The following TRDN variants were observed in gnomAD, a reference collection of about 807,000 sequenced individuals.
TRDN encodes triadin.
In TRDN, 161 loss-of-function variants were observed where a neutral mutation model predicts 149.7. That is an observed-to-expected ratio of 1.08 (90% CI 0.95 to 1.23). The LOEUF (loss-of-function observed/expected upper bound fraction) is 1.23, where lower values mean the gene tolerates loss of function less well. TRDN is among the 50% of genes most tolerant of loss of function. The probability of loss-of-function intolerance (pLI) is 0.00; values close to 1 mark genes in which losing one functional copy is unlikely to be tolerated. For missense variants in TRDN, 896 were observed against 823.5 expected (o/e 1.09, Z -1.08); for synonymous variants, 294 against 250.5 (o/e 1.17, Z -1.64).
In TRDN at chr6:123,459,648, G is replaced by T. The variant is rs373488280; in HGVS notation, c.931+5258C>A. Among the ~76,000 whole-genome samples, 45 of 152,230 alleles carry T rather than the reference G, an allele frequency of 3.0e-4. 1 individual carries two copies. The East Asian group carries it at 8.1e-3, about 28-fold the overall frequency. On this transcript the variant is annotated intron_variant, in intron 10 of 40. Coordinates refer to ENST00000334268, the MANE Select transcript of TRDN (RefSeq NM_006073.4). ...TAAACTCTTTTAATCACTCATGCAA[G>T]TGTTCCAGGGACCCCAATACACCCA...
rs143311692 is a variant in TRDN, at chr6:123,250,452, T to C, written c.1975+1960A>G. ...GCTGTAAAAGGATTCGGAAAAAGAA[T>C]GATACTTGTTTAGTTTCAAATATAT... On this transcript the variant is annotated intron_variant, in intron 38 of 40. Transcript: ENST00000334268. 1.1e-4 allele frequency among the ~76,000 whole-genome samples: 16 copies of C among 152,262 alleles called. No homozygotes were observed. In the East Asian group the frequency reaches 3.1e-3, roughly 29 times the overall value.
intron 20 of TRDN, 43 bp from the exon 21 acceptor site, chr6:123,352,629 A>T (rs1727948589): frequency 1.3e-6 from 2 of 1,579,024 alleles, no homozygotes; most frequent in African/African-American, 2.8e-5. Context: ...TCCAGACAGA[A>T]ATACTGCTTC....
intron 23 of TRDN, among the ~76,000 whole-genome samples, chr6:123,321,245 A>G (rs1434393585): frequency 6.6e-6 from 1 of 152,172 alleles, no homozygotes; most frequent in African/African-American, 2.4e-5. Flanking sequence ...ATTAAACACT[A>G]CACGTGAAGT....
In TRDN at chr6:123,255,134, A is replaced by C. The variant is rs561269308; in HGVS notation, c.1907-9T>G. ...TTCTTTTCTTGTTGAGACTGTTAATAAGGAAAATGTAAATTAAAATATAAA... is the reference window on the plus strand; with the variant it reads ...TTCTTTTCTTGTTGAGACTGTTAATCAGGAAAATGTAAATTAAAATATAAA... On this transcript the variant is annotated splice_polypyrimidine_tract_variant and intron_variant, in intron 36 of 40. Coordinates refer to ENST00000334268, the MANE Select transcript of TRDN (RefSeq NM_006073.4). 6 of 1,246,950 alleles carry C rather than the reference A, an allele frequency of 4.8e-6. No individual in the cohort carries two copies. Among genetic ancestry groups the C allele is most frequent in the Non-Finnish European group, 6.6e-6 (6 of 913,716 alleles). 77.2% of individuals were successfully genotyped at this position (1,246,950 alleles called of 1,614,324 possible).
At chr6:123,587,495 C>T (rs1032802837) in intron 1 of TRDN, among the ~76,000 whole-genome samples, 2 of 152,074 alleles carry the variant, frequency 1.3e-5, no homozygotes, top group South Asian at 2.1e-4. Context: ...TTGGGCTGGT[C>T]GGTCTGAGGA....
At chr6:123,565,967 A>G (rs147452182) in intron 2 of TRDN, among the ~76,000 whole-genome samples, 1 of 152,264 alleles carries the variant, frequency 6.6e-6, no homozygotes, top group African/African-American at 2.4e-5. Context: ...CACCCTGACT[A>G]CTTTCCACTC....
chr6:123,225,152 T>C (rs1775309843), intron 38 of TRDN, among the ~76,000 whole-genome samples: 1 of 151,664 alleles, frequency 6.6e-6, no homozygotes, highest in South Asian at 2.1e-4. Flanking sequence ...TATTATTAAT[T>C]ATCATGAAAT....
intron 21 of TRDN, among the ~76,000 whole-genome samples, chr6:123,347,498 G>T (rs1218263673): frequency 1.3e-5 from 2 of 151,954 alleles, no homozygotes; most frequent in Non-Finnish European, 2.9e-5. Flanking sequence ...CCAATAGCAT[G>T]CCTTATTCCT....
At chr6:123,300,996 C>G (rs1323287760) in intron 24 of TRDN, among the ~76,000 whole-genome samples, 1 of 151,912 alleles carries the variant, frequency 6.6e-6, no homozygotes, top group Non-Finnish European at 1.5e-5. Flanking sequence ...ATTAACTGGG[C>G]TCTTATTGTG....
chr6:123,302,545 G>A (rs758669270), intron 24 of TRDN, among the ~76,000 whole-genome samples: 17 of 152,154 alleles, frequency 1.1e-4, no homozygotes, highest in East Asian at 3.9e-4. Flanking sequence ...AGACCTCACC[G>A]TTAGTTAGCA....
At chr6:123,630,756 G>A (rs377245897) in intron 1 of TRDN, among the ~76,000 whole-genome samples, 2 of 151,898 alleles carry the variant, frequency 1.3e-5, no homozygotes, top group Non-Finnish European at 2.9e-5. Context: ...ACACTACACA[G>A]CTATATTTTC....
intron 12 of TRDN, among the ~76,000 whole-genome samples, chr6:123,404,487 C>T (rs940914789): frequency 2.6e-5 from 4 of 152,050 alleles, no homozygotes; most frequent in African/African-American, 9.7e-5. Flanking sequence ...AAGTTTCTGT[C>T]ACCCAGGCGG....
chr6:123,405,801 T>C (rs1157539908), intron 12 of TRDN, among the ~76,000 whole-genome samples: 1 of 152,158 alleles, frequency 6.6e-6, no homozygotes, highest in Non-Finnish European at 1.5e-5. Flanking sequence ...AATGGCCCCA[T>C]ACTAATTGTA....
In TRDN at chr6:123,217,354, A is replaced by G. The variant is rs1186747293; in HGVS notation, c.*1247T>C. ...GGCTATCTCAGGCCTTGCTGATGGT[A>G]ATTACAATGCTAGAAAGGATAACTC... On this transcript the variant is annotated 3_prime_UTR_variant, in exon 41 of 41. Coordinates refer to ENST00000334268, the MANE Select transcript of TRDN (RefSeq NM_006073.4). The G allele has an allele frequency of 6.6e-6, 1 of 151,962 alleles. No individual in the cohort carries two copies. The highest frequency in any genetic ancestry group is 2.4e-5 in the African/African-American group (1 of 41,420). 9.4% of individuals were successfully genotyped at this position (151,962 alleles called of 1,614,324 possible).
intron 30 of TRDN, 47 bp downstream of exon 30, chr6:123,271,092 A>G: frequency 8.0e-7 from 1 of 1,245,884 alleles, no homozygotes; most frequent in Non-Finnish European, 1.1e-6. Flanking sequence ...AGTGCACCAC[A>G]TAACATATAA....
Position 123,269,890 on chromosome 6 carries a change from A to G in TRDN, c.1721-24T>C, listed in dbSNP as rs7772170. The stretch of plus-strand genomic sequence containing the variant: ...GGCTGTGGAGAATGGAGGCAAGCAC[A>G]TGGCATATTGATGAGTACAAACCAT... On this transcript the variant is annotated intron_variant, in intron 30 of 40. Coordinates refer to ENST00000334268, the MANE Select transcript of TRDN (RefSeq NM_006073.4). The G allele has an allele frequency of 8.3e-3, 13,389 of 1,608,714 alleles. 457 individuals carry two copies. The highest frequency in any genetic ancestry group is 0.07 in the South Asian group (6,271 of 90,198).
chr6:123,625,832 G>T (rs185973610), intron 1 of TRDN, among the ~76,000 whole-genome samples: 7 of 152,238 alleles, frequency 4.6e-5, no homozygotes, highest in Non-Finnish European at 7.3e-5. Context: ...CTAATTGAAG[G>T]TCTTGCCTTA....
intron 1 of TRDN, among the ~76,000 whole-genome samples, chr6:123,626,061 T>C (rs1390922801): frequency 1.3e-5 from 2 of 152,214 alleles, no homozygotes; most frequent in Admixed American, 6.5e-5. Context: ...ACCCAGCCAT[T>C]GCTTTATCTT....
chr6:123,340,412 T>G (rs1012271364), intron 21 of TRDN, among the ~76,000 whole-genome samples: 3 of 152,092 alleles, frequency 2.0e-5, no homozygotes, highest in Non-Finnish European at 4.4e-5. Flanking sequence ...TTAGTGAGAA[T>G]GTTAATACAA....
Sources: gnomAD v4.1 joint callset for allele counts (sites outside exome capture counted in the v4.1 genomes callset) on GRCh38, gnomAD v4.1.1 for gene constraint, MANE v1.5 for transcripts, NCBI Gene and HGNC (gene_info 2026-07-23, HGNC 2026-07-21) for gene names.